Variants in FN3K observed in about 807,000 individuals in gnomAD.
FN3K encodes fructosamine-3-kinase.
A neutral mutation model predicts 24.8 loss-of-function variants in FN3K; 24 were observed. That is an observed-to-expected ratio of 0.97 (90% CI 0.70 to 1.36). The LOEUF is 1.36. Among genes scored for constraint, FN3K ranks in the 40% most tolerant of loss-of-function variants. The pLI, the probability that FN3K is intolerant of heterozygous loss-of-function variation, is 0.00. For synonymous variants in FN3K, 192 were observed against 175.2 expected (o/e 1.10, Z -0.76); for missense variants, 449 against 416.7 (o/e 1.08, Z -0.67).
chr17:82,740,420 C>CA (rs71369031), intron 2 of FN3K, among the ~76,000 whole-genome samples: 1,219 of 73,114 alleles, frequency 0.017, 50 homozygotes, highest in African/African-American at 0.045. Flanking sequence ...CCCATCTCTA[C>CA]AAAAAAAAAA....
At chr17:82,741,544 A>G in intron 4 of FN3K, 151 bp downstream of exon 4, 1 of 723,312 alleles carries the variant, frequency 1.4e-6, no homozygotes, top group Non-Finnish European at 2.3e-6. Context: ...GAATGGGGAG[A>G]GCAGACGCTG....
chr17:82,740,030 A>C (rs931908290), intron 2 of FN3K, among the ~76,000 whole-genome samples: 3 of 151,848 alleles, frequency 2.0e-5, no homozygotes, highest in African/African-American at 7.3e-5. Context: ...CAGCCTGCAG[A>C]GTAGCTGGGA....
chr17:82,745,366 G>C (rs2046962968), intron 4 of FN3K: 1 of 159,884 alleles, frequency 6.3e-6, no homozygotes. Flanking sequence ...GGGGGTTGGG[G>C]GTAAGGTCAT....
intron 1 of FN3K, 145 bp from the exon 2 acceptor site, chr17:82,738,344 G>T: frequency 9.0e-7 from 1 of 1,109,830 alleles, no homozygotes; most frequent in Non-Finnish European, 1.3e-6. Context: ...CCTGCCCTCT[G>T]TGGTGGACGC....
chr17:82,735,830 A>C, intron 1 of FN3K, 53 bp downstream of exon 1: 1 of 1,450,032 alleles, frequency 6.9e-7, no homozygotes, highest in Non-Finnish European at 9.2e-7. Flanking sequence ...GGGCCTGGGA[A>C]GGCGGAGGGG....
intron 4 of FN3K, among the ~76,000 whole-genome samples, chr17:82,742,258 C>G (rs1408252579): frequency 6.6e-6 from 1 of 152,146 alleles, no homozygotes; most frequent in Non-Finnish European, 1.5e-5. Flanking sequence ...TCAGGCTGGT[C>G]TTGAACTCCC....
chr17:82,747,849 G>A (rs2046977132), intron 4 of FN3K, among the ~76,000 whole-genome samples: 3 of 152,140 alleles, frequency 2.0e-5, no homozygotes, highest in Non-Finnish European at 2.9e-5. Context: ...TCACCCTTAC[G>A]ATTTTATTTA....
chr17:82,750,931 TCCATCC>T lies in FN3K; in HGVS notation c.*178_*183del. The T allele has an allele frequency of 3.6e-6, 1 of 275,058 alleles. No individual in the cohort carries two copies. 17.0% of individuals were successfully genotyped at this position (275,058 alleles called of 1,614,324 possible). A position where few individuals can be genotyped will look rare whatever the true frequency, so the allele number is the denominator to read the frequency against. ...GTCCCCGTCCCCCCGTCCCCGTCCC[TCCATCC>T]CTGTCCCCCGTCCCCCTGTCCCCCT... On this transcript the variant is annotated 3_prime_UTR_variant, in exon 6 of 6. Transcript: ENST00000300784.
At chr17:82,736,103 C>G (rs936867184) in intron 1 of FN3K, 1 of 299,626 alleles carries the variant, frequency 3.3e-6, no homozygotes, top group Non-Finnish European at 6.3e-6. Context: ...CCACCGTCCT[C>G]CTGGCAGTGG....
At chr17:82,749,481 T>C in intron 5 of FN3K, 1 of 261,874 alleles carries the variant, frequency 3.8e-6, no homozygotes, top group East Asian at 9.8e-5. Context: ...CTGGCCAACA[T>C]GGTGAAACCC....
Position 82,750,483 on chromosome 17 carries a change from T to C in FN3K, c.658T>C (p.Ser220Pro). The change falls in exon 6 of 6, where the codon TCG becomes CCG. Residue 220 changes from serine to proline, a missense_variant. Physicochemically the swap from Ser to Pro is moderately conservative, Grantham distance 74. Coordinates refer to ENST00000300784, the MANE Select transcript of FN3K (RefSeq NM_022158.4). ...VPALLHGDLWSGNVAEDDVGP... is the reference protein window; with the variant it reads ...VPALLHGDLWPGNVAEDDVGP... ...CGCGTTGCTCCACGGGGATCTCTGG[T>C]CGGGAAACGTGGCTGAGGACGACGT... 1 of 1,614,154 alleles carries C rather than the reference T, an allele frequency of 6.2e-7. No individual in the cohort carries two copies. Among genetic ancestry groups the C allele is most frequent in the Non-Finnish European group, 8.5e-7 (1 of 1,180,006 alleles).
At chr17:82,749,136 A>G in intron 5 of FN3K, 159 bp downstream of exon 5, 1 of 1,143,344 alleles carries the variant, frequency 8.7e-7, no homozygotes, top group Non-Finnish European at 1.3e-6. Context: ...TTCCCCCAAA[A>G]GGGAGTCCGA....
At chr17:82,745,650 C>G (rs2046964595) in intron 4 of FN3K, 1 of 152,192 alleles carries the variant, frequency 6.6e-6, no homozygotes, top group African/African-American at 2.4e-5. Context: ...GGATGGATTT[C>G]TGGATCATTT....
chr17:82,744,623 T>TAG (rs1156538840), intron 4 of FN3K, among the ~76,000 whole-genome samples: 1 of 83,708 alleles, frequency 1.2e-5, no homozygotes, highest in East Asian at 3.6e-4. Context: ...AGACAAAGTA[T>TAG]AGAGAGAAAT....
chr17:82,739,602 C>T (rs889875261), intron 2 of FN3K, among the ~76,000 whole-genome samples: 34 of 151,834 alleles, frequency 2.2e-4, no homozygotes, highest in African/African-American at 5.3e-4. Context: ...GGACTACAGG[C>T]GCCCGCCACC....
Position 82,750,575 on chromosome 17 carries a change from G to A in FN3K, c.750G>A (p.Leu250=). 3.1e-6 allele frequency: 5 copies of A among 1,614,142 alleles called. No homozygotes were observed. The highest frequency in any genetic ancestry group is 3.4e-6 in the Non-Finnish European group (4 of 1,180,014). The change falls in exon 6 of 6, where the codon TTG becomes TTA. Residue 250 remains leucine (L), a synonymous_variant. Transcript: ENST00000300784. ...CCGAGTTTGAACTGGCAATCGCCTT[G>A]ATGTTTGGGGGGTTCCCCAGATCCT... ...GHSEFELAIA[L]MFGGFPRSFF...
rs2046986014 is a variant in FN3K at position 82,749,124 on chromosome 17, G to C, written c.591+147G>C. ...AGGGAGGAAGGGGGGCAGGGGCGGG[G>C]GTTCCCCCAAAAGGGAGTCCGAAAG... On this transcript the variant is annotated intron_variant, in intron 5 of 5. Coordinates refer to ENST00000300784, the MANE Select transcript of FN3K (RefSeq NM_022158.4). The C allele has an allele frequency of 1.8e-5, 23 of 1,301,716 alleles. No individual in the cohort carries two copies. The Middle Eastern group carries it at 7.2e-4, about 41-fold the overall frequency. 80.6% of individuals were successfully genotyped at this position (1,301,716 alleles called of 1,614,324 possible). A position where few individuals can be genotyped will look rare whatever the true frequency, so the allele number is the denominator to read the frequency against.
chr17:82,740,719 T>G, intron 2 of FN3K, 44 bp from the exon 3 acceptor site: 1 of 1,355,612 alleles, frequency 7.4e-7, no homozygotes, highest in South Asian at 1.2e-5. Flanking sequence ...GTGGTGTTAT[T>G]TATTATTTGT....
chr17:82,738,508 G>A lies in FN3K; in HGVS notation c.161G>A (p.Gly54Glu). The A allele has an allele frequency of 6.2e-7, 1 of 1,611,752 alleles. No homozygotes were observed. Among genetic ancestry groups the A allele is most frequent in the Non-Finnish European group, 8.5e-7 (1 of 1,179,272 alleles). The change falls in exon 2 of 6, where the codon GGG (glycine) becomes GAG (glutamate). Residue 54 changes from glycine (G) to glutamate (E), a missense_variant. Gly to Glu is a moderately conservative substitution (Grantham distance 98). Coordinates refer to ENST00000300784, the MANE Select transcript of FN3K (RefSeq NM_022158.4). ...RRTQARQMFE[G>E]EVASLEALRS... ...ATGCAGGCCCGGCAGATGTTTGAGG[G>A]GGAGGTGGCCAGCCTGGAGGCCCTC... is the stretch of plus-strand genomic sequence containing the variant.
Sources: allele counts gnomAD v4.1 joint callset (sites outside exome capture counted in the v4.1 genomes callset), GRCh38; gene constraint gnomAD v4.1.1; transcripts MANE v1.5; gene names NCBI Gene and HGNC (gene_info 2026-07-23, HGNC 2026-07-21).